The following CYP2C8 variants were observed in gnomAD, a reference collection of about 807,000 sequenced individuals.
CYP2C8 encodes the protein cytochrome P450 2C8.
A neutral mutation model predicts 41.3 loss-of-function variants in CYP2C8; 51 were observed. That is an observed-to-expected ratio of 1.24 (90% CI 0.99 to 1.56). The LOEUF (loss-of-function observed/expected upper bound fraction) is 1.56, where lower values mean the gene tolerates loss of function less well. Among genes scored for constraint, CYP2C8 ranks in the 40% most tolerant of loss-of-function variants. CYP2C8 has a pLI of 0.00. For missense variants in CYP2C8, 651 were observed against 579.9 expected, an observed-to-expected ratio of 1.12 and a Z score of -1.26; for synonymous variants, 218 against 205.8, an observed-to-expected ratio of 1.06 and a Z score of -0.51.
At chr10:95,054,434 T>C (rs543682947) in intron 5 of CYP2C8, among the ~76,000 whole-genome samples, 3 of 152,088 alleles carry the variant, frequency 2.0e-5, no homozygotes, top group South Asian at 4.1e-4. Context: ...TTATAAAAAT[T>C]CCAAAGGTAT....
At chr10:95,056,717 A>G (rs1046247688) in intron 5 of CYP2C8, among the ~76,000 whole-genome samples, 6 of 152,214 alleles carry the variant, frequency 3.9e-5, no homozygotes, top group Non-Finnish European at 8.8e-5. Context: ...TAGTTGATTA[A>G]TGTTTACTAC....
chr10:95,039,393 T>C lies in CYP2C8; in HGVS notation c.1150-355A>G. The C allele has an allele frequency of 1.0e-5, 3 of 296,822 alleles. No homozygotes were observed. The South Asian group carries it at 1.0e-4, about 10-fold the overall frequency. The allele number at this position is 296,822 out of a possible 1,614,324, so 18.4% of individuals were successfully genotyped here. ...TAGATTATGGTTTAAAATGGAAGTC[T>C]CTGTTGACACTTGAAATGTCCAGAG... On this transcript the variant is annotated intron_variant, in intron 7 of 8. Coordinates refer to ENST00000371270, the MANE Select transcript of CYP2C8 (RefSeq NM_000770.3).
chr10:95,063,107 A>C (rs1177424390), intron 4 of CYP2C8, among the ~76,000 whole-genome samples: 1 of 152,080 alleles, frequency 6.6e-6, no homozygotes, highest in Non-Finnish European at 1.5e-5. Flanking sequence ...GAATCTGACA[A>C]TTATGTGTCT....
chr10:95,058,301 A>G, intron 5 of CYP2C8, 34 bp downstream of exon 5: 1 of 1,611,188 alleles, frequency 6.2e-7, no homozygotes. Context: ...AATGGACAAG[A>G]AATCAAAATA....
chr10:95,061,617 G>T (rs945728144), intron 4 of CYP2C8, among the ~76,000 whole-genome samples: 32 of 151,998 alleles, frequency 2.1e-4, no homozygotes, highest in Non-Finnish European at 4.4e-5. Context: ...TTTTTTGAAG[G>T]GTTTTTTGTG....
Position 95,055,307 on chromosome 10 carries a change from G to A in CYP2C8, c.819+3028C>T, listed in dbSNP as rs557805796. Reference sequence around the variant, plus strand: ...AACATAAACCTAATCATCTATGCCCGGTTCATTTTCAACAAATGTACCAAG... The same window carrying A: ...AACATAAACCTAATCATCTATGCCCAGTTCATTTTCAACAAATGTACCAAG... On this transcript the variant is annotated intron_variant, in intron 5 of 8. Transcript: ENST00000371270. Among the ~76,000 whole-genome samples, 157 of 152,036 alleles carry A rather than the reference G, an allele frequency of 1.0e-3. 1 individual carries two copies. The highest frequency in any genetic ancestry group is 6.8e-3 in the Middle Eastern group (2 of 292).
rs537006401 is a variant in CYP2C8 at position 95,058,441 on chromosome 10, G to C, written c.713C>G (p.Ala238Gly). 1 of 1,613,286 alleles carries C rather than the reference G, an allele frequency of 6.2e-7. No individual in the cohort carries two copies. The highest frequency in any genetic ancestry group is 1.3e-5 in the African/African-American group (1 of 74,872). Residue 238 changes from alanine (A) to glycine (G), a missense_variant, in exon 5 of 9, where the codon GCT becomes GGT. Ala to Gly is a moderately conservative substitution (Grantham distance 60). Transcript: ENST00000371270. ...CTCCCTAATGTAACTTCGTGTAAGA[G>C]CAACATTTTTAAGCACTTTGTTGTG... ...GTHNKVLKNVALTRSYIREKV... is the reference protein window; with the variant it reads ...GTHNKVLKNVGLTRSYIREKV...
rs943286514 is a variant in CYP2C8 at position 95,051,100 on chromosome 10, A to G, written c.820-5149T>C. On this transcript the variant is annotated intron_variant, in intron 5 of 8. Coordinates refer to ENST00000371270, the MANE Select transcript of CYP2C8 (RefSeq NM_000770.3). ...GAAACCTAAAGATATTCAAAATAAC[A>G]CAGAGAAGAAATTCACAATTCTATC... is the stretch of plus-strand genomic sequence containing the variant. Among the ~76,000 whole-genome samples, 12 of 152,178 alleles carry G rather than the reference A, an allele frequency of 7.9e-5. 1 individual carries two copies. The highest frequency in any genetic ancestry group is 2.0e-4 in the Admixed American group (3 of 15,260).
At chr10:95,052,658 G>A (rs2033234189) in intron 5 of CYP2C8, among the ~76,000 whole-genome samples, 1 of 152,062 alleles carries the variant, frequency 6.6e-6, no homozygotes, top group Admixed American at 6.6e-5. Context: ...ATTAATTGAT[G>A]TGGTACATCA....
At chr10:95,044,510 C>T (rs2134412358) in intron 6 of CYP2C8, among the ~76,000 whole-genome samples, 1 of 152,260 alleles carries the variant, frequency 6.6e-6, no homozygotes, top group East Asian at 1.9e-4. Context: ...TTTCTCCAGA[C>T]TTGTTTCTTC....
chr10:95,052,279 A>G (rs1459478229), intron 5 of CYP2C8, among the ~76,000 whole-genome samples: 1 of 152,054 alleles, frequency 6.6e-6, no homozygotes, highest in Non-Finnish European at 1.5e-5. Context: ...CCTGAACAAA[A>G]TTATAGCAAA....
At chr10:95,062,532 G>A (rs192524883) in intron 4 of CYP2C8, among the ~76,000 whole-genome samples, 220 of 152,094 alleles carry the variant, frequency 1.4e-3, no homozygotes, top group African/African-American at 4.9e-3. Flanking sequence ...GCCTATGTGC[G>A]TCTCTGCACA....
intron 4 of CYP2C8, among the ~76,000 whole-genome samples, chr10:95,063,800 T>G (rs1435915528): frequency 6.6e-6 from 1 of 152,200 alleles, no homozygotes; most frequent in South Asian, 2.1e-4. Flanking sequence ...ATGATGGTGA[T>G]GTACAGATGG....
intron 3 of CYP2C8, among the ~76,000 whole-genome samples, chr10:95,066,246 G>C (rs1158051654): frequency 6.7e-6 from 1 of 149,768 alleles, no homozygotes; most frequent in Non-Finnish European, 1.5e-5. Flanking sequence ...TTGGGAGAGT[G>C]AATTTAAAAA....
chr10:95,038,538 A>G (rs534551081), intron 8 of CYP2C8, among the ~76,000 whole-genome samples: 2 of 152,286 alleles, frequency 1.3e-5, no homozygotes, highest in African/African-American at 4.8e-5. Flanking sequence ...GAAGACACTC[A>G]ATGCAGTTGT....
chr10:95,039,283 C>G (rs1372070112), intron 7 of CYP2C8: 2 of 486,888 alleles, frequency 4.1e-6, no homozygotes, highest in African/African-American at 1.9e-5. Context: ...TTCTCCAGAT[C>G]ATCAAGTTTG....
intron 8 of CYP2C8, among the ~76,000 whole-genome samples, 155 bp from the exon 9 acceptor site, chr10:95,037,464 T>G (rs940585220): frequency 6.6e-6 from 1 of 152,190 alleles, no homozygotes; most frequent in Non-Finnish European, 1.5e-5. Flanking sequence ...ATGGATGACA[T>G]GATGGATTGA....
chr10:95,066,874 T>A (rs1225536475), intron 3 of CYP2C8, among the ~76,000 whole-genome samples: 2 of 152,226 alleles, frequency 1.3e-5, no homozygotes, highest in Non-Finnish European at 2.9e-5. Context: ...AATGCAGATT[T>A]ATGCTATGGG....
In CYP2C8 at chr10:95,036,989, GGA is replaced by G; in HGVS notation, c.*137_*138del. On this transcript the variant is annotated 3_prime_UTR_variant, in exon 9 of 9. Coordinates refer to ENST00000371270, the MANE Select transcript of CYP2C8 (RefSeq NM_000770.3). Reference sequence around the variant, plus strand: ...AGTGACCTGAACAACTCTCCTTAATGGAGTTTGGATGCTTATGGGATATTGAG... The same window carrying G: ...AGTGACCTGAACAACTCTCCTTAATGGTTTGGATGCTTATGGGATATTGAG... 2.5e-6 allele frequency: 2 copies of G among 791,612 alleles called. No homozygotes were observed. Among genetic ancestry groups the G allele is most frequent in the South Asian group, 2.9e-5 (2 of 68,486 alleles). 49.0% of individuals were successfully genotyped at this position (791,612 alleles called of 1,614,324 possible). A position where few individuals can be genotyped will look rare whatever the true frequency, so the allele number is the denominator to read the frequency against.
Sources: gnomAD v4.1 joint callset for allele counts (sites outside exome capture counted in the v4.1 genomes callset) on GRCh38, gnomAD v4.1.1 for gene constraint, MANE v1.5 for transcripts, NCBI Gene and HGNC (gene_info 2026-07-23, HGNC 2026-07-21) for gene names.